The following RNF19A variants were observed in gnomAD, a reference collection of about 807,000 sequenced individuals.
RNF19A encodes E3 ubiquitin-protein ligase RNF19A.
Under a neutral mutation model 75.7 loss-of-function variants are expected in RNF19A, and 32 were observed. That is an observed-to-expected ratio of 0.42 (90% CI 0.32 to 0.57). The LOEUF is 0.57. RNF19A is among the 20% of genes least tolerant of loss of function. The pLI is 0.10. For missense variants in RNF19A, 782 were observed against 1,036.3 expected (o/e 0.75, Z 3.37); for synonymous variants, 335 against 345.2 (o/e 0.97, Z 0.33).
chr8:100,317,039 G>A lies in RNF19A; in HGVS notation c.-242-3667C>T, dbSNP rs939417232. On this transcript the variant is annotated intron_variant, in intron 1 of 3. Transcript: ENST00000519527. The surrounding 1 kb of genome is among the most constrained non-coding windows in gnomAD (Gnocchi z 4.3). ...CGGGTGCTAAGTCCCTCATTGCCCG[G>A]GACCAGCAGCGCTGCCCGGCTACTC... 6.6e-6 allele frequency among the ~76,000 whole-genome samples: 1 copy of A among 151,812 alleles called. No individual in the cohort carries two copies. Among genetic ancestry groups the A allele is most frequent in the African/African-American group, 2.4e-5 (1 of 41,394 alleles).
At chr8:100,289,798 T>G (rs941405812) in intron 1 of RNF19A, among the ~76,000 whole-genome samples, 3 of 152,048 alleles carry the variant, frequency 2.0e-5, no homozygotes, top group Non-Finnish European at 2.9e-5. Context: ...AAGGAATGCA[T>G]AAGAAAAATG....
upstream of RNF19A, chr8:100,310,016 G>A (rs1822240423): frequency 2.0e-6 from 2 of 985,438 alleles, no homozygotes; most frequent in African/African-American, 1.7e-5. Context: ...ACGGAGGGGA[G>A]GAGTCCCGAC....
intron 1 of RNF19A, among the ~76,000 whole-genome samples, chr8:100,306,286 A>G (rs1454300943): frequency 6.6e-6 from 1 of 152,238 alleles, no homozygotes; most frequent in African/African-American, 2.4e-5. Flanking sequence ...TTCAGAATTC[A>G]ATGCACAAAC....
chr8:100,316,692 G>C (rs1822381458), intron 1 of RNF19A, among the ~76,000 whole-genome samples: 1 of 152,212 alleles, frequency 6.6e-6, no homozygotes, highest in African/African-American at 2.4e-5. Flanking sequence ...CCAGACTCAG[G>C]AGCCCAGCTG....
intron 1 of RNF19A, among the ~76,000 whole-genome samples, chr8:100,301,185 T>C (rs1344305655): frequency 1.3e-5 from 2 of 152,250 alleles, no homozygotes; most frequent in South Asian, 2.1e-4. Context: ...GGCTACCATA[T>C]TGGACTGAAC....
chr8:100,300,663 G>A (rs895403508), intron 1 of RNF19A: 2 of 151,728 alleles, frequency 1.3e-5, no homozygotes, highest in African/African-American at 4.8e-5. Context: ...TGAAAAAAAT[G>A]AAATAGAAAA....
chr8:100,324,028 T>A lies in RNF19A; in HGVS notation c.-242-10656A>T, dbSNP rs1456073975. On this transcript the variant is annotated intron_variant, in intron 1 of 3. Transcript: ENST00000519527. The surrounding 1 kb of genome is among the most constrained non-coding windows in gnomAD (Gnocchi z 4.2). ...AGTATCCTGTGATAAAAGCAAAACT[T>A]TGTACAATGTATCCCAAGGACATGA... is the stretch of plus-strand genomic sequence containing the variant. 6.6e-6 allele frequency among the ~76,000 whole-genome samples: 1 copy of A among 152,198 alleles called. No individual in the cohort carries two copies. Among genetic ancestry groups the A allele is most frequent in the African/African-American group, 2.4e-5 (1 of 41,450 alleles).
At chr8:100,301,256 T>C (rs1006668967) in intron 1 of RNF19A, among the ~76,000 whole-genome samples, 22 of 152,252 alleles carry the variant, frequency 1.4e-4, no homozygotes, top group Non-Finnish European at 4.4e-5. Context: ...TCTAGAGATG[T>C]GACTTACCCA....
rs1819877457 is a variant in RNF19A at position 100,264,487 on chromosome 8, A to C, written c.1306+184T>G. The C allele has an allele frequency of 1.7e-6, 1 of 591,500 alleles. No individual in the cohort carries two copies. The highest frequency in any genetic ancestry group is 3.0e-6 in the Non-Finnish European group (1 of 338,026). 36.6% of individuals were successfully genotyped at this position (591,500 alleles called of 1,614,324 possible). A position where few individuals can be genotyped will look rare whatever the true frequency, so the allele number is the denominator to read the frequency against. ...GGGTGGAGTGGGGAGGAAGGGTATCAGCCACTAACAATTTACCAACTACTT... is the reference window on the plus strand; with the variant it reads ...GGGTGGAGTGGGGAGGAAGGGTATCCGCCACTAACAATTTACCAACTACTT... On this transcript the variant is annotated intron_variant, in intron 6 of 9. Coordinates refer to ENST00000341084, the MANE Select transcript of RNF19A (RefSeq NM_183419.4). This position sits in a 1 kb window ranked among gnomAD's most constrained non-coding sequence, Gnocchi z 4.7.
In RNF19A at chr8:100,259,337, A is replaced by G. The variant is rs919990092; in HGVS notation, c.1827-91T>C. 1 of 1,003,930 alleles carries G rather than the reference A, an allele frequency of 1.0e-6. No individual in the cohort carries two copies. The highest frequency in any genetic ancestry group is 2.3e-5 in the Admixed American group (1 of 44,370). 62.2% of individuals were successfully genotyped at this position (1,003,930 alleles called of 1,614,324 possible). A position where few individuals can be genotyped will look rare whatever the true frequency, so the allele number is the denominator to read the frequency against. ...AAGGGTTTCTATGTGGAAAATTCAG[A>G]CTATATATAAGCTATGAGAACACCT... On this transcript the variant is annotated intron_variant, in intron 9 of 9. Coordinates refer to ENST00000341084, the MANE Select transcript of RNF19A (RefSeq NM_183419.4). This position sits in a 1 kb window ranked among gnomAD's most constrained non-coding sequence, Gnocchi z 4.5.
At chr8:100,326,282 T>G (rs537746865) in intron 1 of RNF19A, among the ~76,000 whole-genome samples, 1 of 152,294 alleles carries the variant, frequency 6.6e-6, no homozygotes, top group South Asian at 2.1e-4. Context: ...TCTCTTTAAA[T>G]GCATACCACC....
chr8:100,335,813 T>C (rs534169727), intron 1 of RNF19A, among the ~76,000 whole-genome samples: 2 of 152,326 alleles, frequency 1.3e-5, no homozygotes, highest in East Asian at 3.9e-4. Flanking sequence ...CCACAGTCCC[T>C]GCGGAGGTGC....
chr8:100,322,489 A>C lies in RNF19A; in HGVS notation c.-242-9117T>G, dbSNP rs151203989. Among the ~76,000 whole-genome samples the C allele has an allele frequency of 1.1e-3, 166 of 152,364 alleles. No homozygotes were observed. The highest frequency in any genetic ancestry group is 1.4e-3 in the Non-Finnish European group (96 of 68,038). On this transcript the variant is annotated intron_variant, in intron 1 of 3. Coordinates refer to the RNF19A transcript ENST00000519527. This position sits in a 1 kb window ranked among gnomAD's most constrained non-coding sequence, Gnocchi z 5.1. ...TGGCTTAAGGTTTAATCTTCTATTC[A>C]GACCATTTAAACTTTCTCCAAATTA...
At chr8:100,307,360 A>T (rs1822104595) in intron 1 of RNF19A, among the ~76,000 whole-genome samples, 1 of 152,150 alleles carries the variant, frequency 6.6e-6, no homozygotes, top group Non-Finnish European at 1.5e-5. Context: ...ATGTTATCAC[A>T]AATATTTTGC....
In RNF19A at chr8:100,333,962, A is replaced by C. The variant is rs1416950480; in HGVS notation, c.-243+2146T>G. Among the ~76,000 whole-genome samples, 1 of 152,236 alleles carries C rather than the reference A, an allele frequency of 6.6e-6. No homozygotes were observed. Among genetic ancestry groups the C allele is most frequent in the Non-Finnish European group, 1.5e-5 (1 of 68,048 alleles). On this transcript the variant is annotated intron_variant, in intron 1 of 3. Transcript: ENST00000519527. This position sits in a 1 kb window ranked among gnomAD's most constrained non-coding sequence, Gnocchi z 4.7. Reference sequence around the variant, plus strand: ...ACTTTGGCCCCACTCTACTGAAATTATCCAAGTGTATTTACTACTACTGCC... The same window carrying C: ...ACTTTGGCCCCACTCTACTGAAATTCTCCAAGTGTATTTACTACTACTGCC...
intron 5 of RNF19A, 111 bp downstream of exon 5, chr8:100,268,674 C>G: frequency 1.8e-6 from 1 of 567,622 alleles, no homozygotes; most frequent in Non-Finnish European, 2.6e-6. Flanking sequence ...ACTAAAGATA[C>G]CCTTTGTCTA....
In RNF19A at chr8:100,259,225, C is replaced by A. The variant is rs1435625557; in HGVS notation, c.1848G>T (p.Val616=). The change falls in exon 10 of 10, where the codon GTG becomes GTT. Residue 616 remains valine (V), a synonymous_variant. Coordinates refer to ENST00000341084, the MANE Select transcript of RNF19A (RefSeq NM_183419.4). This position sits in a 1 kb window ranked among gnomAD's most constrained non-coding sequence, Gnocchi z 4.5. ...PLDKEGNSME[V]QVDIESKPSK... ...ATGGCTTTGACTCAATATCTACTTG[C>A]ACCTCCATACTGTTGCCTTCTCTGA... 6.2e-7 allele frequency: 1 copy of A among 1,610,990 alleles called. No individual in the cohort carries two copies.
Position 100,257,103 on chromosome 8 carries a change from T to C in RNF19A, c.*1453A>G, listed in dbSNP as rs1426631445. 6.6e-6 allele frequency: 1 copy of C among 152,608 alleles called. No individual in the cohort carries two copies. The highest frequency in any genetic ancestry group is 1.5e-5 in the Non-Finnish European group (1 of 68,026). 9.5% of individuals were successfully genotyped at this position (152,608 alleles called of 1,614,324 possible). On this transcript the variant is annotated 3_prime_UTR_variant, in exon 10 of 10. Coordinates refer to ENST00000341084, the MANE Select transcript of RNF19A (RefSeq NM_183419.4). ...TTACATTTATTTAACGTATGCAGTT[T>C]ACACACTCATTATTAAACAAAATTG...
Position 100,269,932 on chromosome 8 carries a change from G to A in RNF19A, c.965C>T (p.Ala322Val). The change falls in exon 4 of 10, where the codon GCT becomes GTT. Residue 322 changes from alanine (A) to valine (V), a missense_variant. Physicochemically the swap from Ala to Val is moderately conservative, Grantham distance 64. This residue lies in a region of RNF19A where 31 missense variants were observed against 48.8 expected (regional missense o/e 0.64). Coordinates refer to ENST00000341084, the MANE Select transcript of RNF19A (RefSeq NM_183419.4). This position sits in a 1 kb window ranked among gnomAD's most constrained non-coding sequence, Gnocchi z 5.7. ...CCAACAAAACTCACAACCACAAACAGCACATGTCATGTGATTGCAGCTCCC... is the reference window on the plus strand; with the variant it reads ...CCAACAAAACTCACAACCACAAACAACACATGTCATGTGATTGCAGCTCCC... The part of the protein sequence containing the change: ...NDGSCNHMTC[A>V]VCGCEFCWLC... 1.2e-6 allele frequency: 2 copies of A among 1,609,590 alleles called. No homozygotes were observed. Among genetic ancestry groups the A allele is most frequent in the South Asian group, 1.1e-5 (1 of 90,364 alleles).
Sources: gnomAD v4.1 joint callset for allele counts (sites outside exome capture counted in the v4.1 genomes callset) on GRCh38, gnomAD v4.1.1 for gene constraint, gnomAD v4.1.1 regional missense constraint, Gnocchi (gnomAD v3.1) non-coding constraint, MANE v1.5 for transcripts, NCBI Gene and HGNC (gene_info 2026-07-23, HGNC 2026-07-21) for gene names.